TMEM132D: variants seen among roughly 807,000 people sequenced by gnomAD.
TMEM132D encodes the protein transmembrane protein 132D, also known as mature OL transmembrane protein.
A neutral mutation model predicts 62.3 loss-of-function variants in TMEM132D; 21 were observed. The observed-to-expected ratio is 0.34, with a 90% CI of 0.24 to 0.49. The LOEUF is 0.49. Among genes scored for constraint, TMEM132D ranks in the 20% least tolerant of loss-of-function variants. The probability of loss-of-function intolerance (pLI) is 0.99; values close to 1 mark genes in which losing one functional copy is unlikely to be tolerated. For missense variants in TMEM132D, 1,346 were observed against 1,402.8 expected, an observed-to-expected ratio of 0.96 and a Z score of 0.65; for synonymous variants, 621 against 575.6, an observed-to-expected ratio of 1.08 and a Z score of -1.13.
At chr12:129,298,534 C>G (rs1042656136) in intron 4 of TMEM132D, among the ~76,000 whole-genome samples, 1 of 152,136 alleles carries the variant, frequency 6.6e-6, no homozygotes, top group Non-Finnish European at 1.5e-5. Context: ...ATCACCCCAC[C>G]ATGCAGTAAA....
chr12:129,887,675 T>C (rs1303945300), intron 1 of TMEM132D, among the ~76,000 whole-genome samples: 2 of 152,146 alleles, frequency 1.3e-5, no homozygotes, highest in African/African-American at 4.8e-5. Flanking sequence ...TCTAGGAAAA[T>C]TACTTTAAGA....
intron 5 of TMEM132D, among the ~76,000 whole-genome samples, chr12:129,179,088 C>T (rs1466343732): frequency 6.6e-6 from 1 of 152,150 alleles, no homozygotes; most frequent in Non-Finnish European, 1.5e-5. Context: ...GGACCGTAGA[C>T]AAACAGATGA....
At position 129,091,895 on chromosome 12, in the gene TMEM132D, C is replaced by T. The variant is rs929846618; in HGVS notation, c.1444-7193G>A. Among the ~76,000 whole-genome samples, 5 of 152,334 alleles carry T rather than the reference C, an allele frequency of 3.3e-5. No individual in the cohort carries two copies. In the Middle Eastern group the frequency reaches 0.01, roughly 311 times the overall value. On this transcript the variant is annotated intron_variant, in intron 5 of 8. Coordinates refer to ENST00000422113, the MANE Select transcript of TMEM132D (RefSeq NM_133448.3). ...GACATTCATCCTTGCCTTCATAGCTCTGTTCATTGCATTAGATTGTTAGAC... is the reference window on the plus strand; with the variant it reads ...GACATTCATCCTTGCCTTCATAGCTTTGTTCATTGCATTAGATTGTTAGAC...
At chr12:129,746,031 G>A (rs1018491746) in intron 1 of TMEM132D, among the ~76,000 whole-genome samples, 2 of 152,168 alleles carry the variant, frequency 1.3e-5, no homozygotes, top group African/African-American at 4.8e-5. Flanking sequence ...CCATGAGAGA[G>A]ATCCAGAAGG....
chr12:129,642,571 T>A (rs1879667062), intron 2 of TMEM132D, among the ~76,000 whole-genome samples: 1 of 152,208 alleles, frequency 6.6e-6, no homozygotes, highest in South Asian at 2.1e-4. Flanking sequence ...TCCTACAGAT[T>A]GATTTCTCTC....
chr12:129,510,235 G>A (rs547895881), intron 3 of TMEM132D, among the ~76,000 whole-genome samples: 93 of 152,050 alleles, frequency 6.1e-4, no homozygotes, highest in Non-Finnish European at 1.2e-3. Context: ...TGTTGAGCAC[G>A]TTTTCATATG....
intron 2 of TMEM132D, among the ~76,000 whole-genome samples, chr12:129,683,851 T>C (rs935087265): frequency 6.6e-6 from 1 of 152,196 alleles, no homozygotes; most frequent in Non-Finnish European, 1.5e-5. Context: ...GCCATCATAT[T>C]AGTATTCTAC....
chr12:129,334,416 A>G (rs967553276), intron 4 of TMEM132D, among the ~76,000 whole-genome samples: 2 of 152,188 alleles, frequency 1.3e-5, no homozygotes, highest in African/African-American at 4.8e-5. Context: ...GTAATTTAAT[A>G]ACGGCAACCA....
intron 3 of TMEM132D, among the ~76,000 whole-genome samples, chr12:129,398,976 G>A (rs944109327): frequency 9.2e-5 from 14 of 152,256 alleles, no homozygotes; most frequent in African/African-American, 2.9e-4. Flanking sequence ...GGTTCCAGAG[G>A]CTGGGACATC....
At chr12:129,325,220 C>G (rs572728565) in intron 4 of TMEM132D, among the ~76,000 whole-genome samples, 2 of 152,296 alleles carry the variant, frequency 1.3e-5, no homozygotes, top group South Asian at 4.1e-4. Flanking sequence ...AGCATGAACA[C>G]AACTACCCCT....
At chr12:129,235,096 A>G (rs1055054894) in intron 4 of TMEM132D, among the ~76,000 whole-genome samples, 9 of 152,198 alleles carry the variant, frequency 5.9e-5, no homozygotes, top group Non-Finnish European at 1.3e-4. Flanking sequence ...GCGGACTACT[A>G]TATTGAGTTT....
chr12:129,822,110 A>G (rs1872554809), intron 1 of TMEM132D, among the ~76,000 whole-genome samples: 1 of 152,142 alleles, frequency 6.6e-6, no homozygotes, highest in Non-Finnish European at 1.5e-5. Flanking sequence ...ATCAAAGACA[A>G]AAACAAAACC....
chr12:129,647,583 C>G (rs185139287), intron 2 of TMEM132D, among the ~76,000 whole-genome samples: 4 of 152,098 alleles, frequency 2.6e-5, no homozygotes, highest in African/African-American at 9.7e-5. Context: ...AGGAGAGTTC[C>G]CAGGATTCTT....
rs1432294912 is a variant in TMEM132D, at chr12:129,721,903, A to G, written c.80-21205T>C. On this transcript the variant is annotated intron_variant, in intron 1 of 8. Transcript: ENST00000422113. ...CTCCTATGCAGAAGGTATAAAGCCT[A>G]CTTCTCAGATGTGGGTCCCGGGAAA... Among the ~76,000 whole-genome samples, 8 of 152,324 alleles carry G rather than the reference A, an allele frequency of 5.3e-5. No homozygotes were observed. In the South Asian group the frequency reaches 6.2e-4, roughly 12 times the overall value.
chr12:129,298,136 C>T (rs1380511852), intron 4 of TMEM132D, among the ~76,000 whole-genome samples: 1 of 152,082 alleles, frequency 6.6e-6, no homozygotes, highest in African/African-American at 2.4e-5. Context: ...ATCACCAACT[C>T]ATGGGTGTAG....
intron 2 of TMEM132D, among the ~76,000 whole-genome samples, chr12:129,602,662 T>C (rs1325779797): frequency 6.6e-6 from 1 of 152,104 alleles, no homozygotes; most frequent in Non-Finnish European, 1.5e-5. Flanking sequence ...ACAGCAAAAT[T>C]GAGAGGCAGG....
Position 129,081,970 on chromosome 12 carries a change from T to G in TMEM132D, c.1712A>C (p.Gln571Pro). The G allele has an allele frequency of 6.2e-7, 1 of 1,613,998 alleles. No individual in the cohort carries two copies. Among genetic ancestry groups the G allele is most frequent in the Non-Finnish European group, 8.5e-7 (1 of 1,179,996 alleles). ...DERRGRGCTL[Q>P]YQHAMVRVLT... is the part of the protein sequence containing the mutation. ...GACCCGCACCATGGCGTGCTGGTAC[T>G]GCAGGGTGCAGCCGCGGCCCCTCCG... The change falls in exon 7 of 9, where the codon CAG (glutamine) becomes CCG (proline). Residue 571 changes from glutamine (Q) to proline (P), a missense_variant. Gln to Pro is a moderately conservative substitution (Grantham distance 76). Transcript: ENST00000422113.
At chr12:129,340,429 G>T (rs541443312) in intron 3 of TMEM132D, among the ~76,000 whole-genome samples, 25 of 152,056 alleles carry the variant, frequency 1.6e-4, no homozygotes, top group African/African-American at 5.5e-4. Flanking sequence ...TTTACATTAG[G>T]TATATCTCCT....
At chr12:129,393,740 C>A (rs1227121435) in intron 3 of TMEM132D, among the ~76,000 whole-genome samples, 1 of 152,186 alleles carries the variant, frequency 6.6e-6, no homozygotes, top group Admixed American at 6.5e-5. Context: ...CTTGAGCAAG[C>A]AACCCACGCC....
Sources: gnomAD v4.1 joint callset for allele counts (sites outside exome capture counted in the v4.1 genomes callset) on GRCh38, gnomAD v4.1.1 for gene constraint, MANE v1.5 for transcripts, NCBI Gene and HGNC (gene_info 2026-07-23, HGNC 2026-07-21) for gene names.